The following KALRN variants were observed in gnomAD, a reference collection of about 807,000 sequenced individuals.
KALRN encodes kalirin RhoGEF kinase, also known as kalirin.
KALRN carries 70 observed loss-of-function variants against 353.7 expected under a neutral mutation model. The observed-to-expected ratio is 0.20, with a 90% CI of 0.16 to 0.24. The LOEUF (loss-of-function observed/expected upper bound fraction) is 0.24. KALRN is among the 10% of genes least tolerant of loss of function. KALRN has a pLI of 1.00. For synonymous variants in KALRN, 1,391 were observed against 1,434.8 expected (o/e 0.97, Z 0.69); for missense variants, 2,791 against 3,756.7 (o/e 0.74, Z 6.72).
intron 1 of KALRN, among the ~76,000 whole-genome samples, chr3:124,120,391 T>C (rs2063859263): frequency 2.0e-5 from 3 of 152,186 alleles, no homozygotes; most frequent in African/African-American, 7.2e-5. Context: ...AGATGAAATA[T>C]GACTTTATTC....
intron 10 of KALRN, among the ~76,000 whole-genome samples, chr3:124,348,046 A>G (rs1022800214): frequency 3.3e-5 from 5 of 152,156 alleles, no homozygotes; most frequent in Non-Finnish European, 7.4e-5. Context: ...TGCATTGGGG[A>G]GTTTTCCAAA....
intron 15 of KALRN, among the ~76,000 whole-genome samples, chr3:124,429,136 C>T (rs1012381075): frequency 1.3e-5 from 2 of 152,210 alleles, no homozygotes; most frequent in Admixed American, 6.5e-5. Flanking sequence ...AGGGATTTCA[C>T]GCAAACACTC....
chr3:124,298,757 T>C, intron 5 of KALRN, 34 bp from the exon 6 acceptor site: 1 of 1,613,628 alleles, frequency 6.2e-7, no homozygotes, highest in Non-Finnish European at 8.5e-7. Context: ...CCCATGACCA[T>C]TCTGATTATG....
intron 33 of KALRN, among the ~76,000 whole-genome samples, chr3:124,545,805 T>C (rs963833073): frequency 2.6e-5 from 4 of 152,216 alleles, no homozygotes; most frequent in African/African-American, 9.6e-5. Flanking sequence ...TTTGATGTCC[T>C]AGAGAGCCCA....
intron 1 of KALRN, among the ~76,000 whole-genome samples, chr3:124,099,702 C>G (rs1157950584): frequency 6.6e-6 from 1 of 152,194 alleles, no homozygotes; most frequent in African/African-American, 2.4e-5. Flanking sequence ...GTTCCCTTTT[C>G]TCCACATCCT....
chr3:124,039,891 T>C (rs1044501852), intron 1 of KALRN, among the ~76,000 whole-genome samples: 11 of 152,238 alleles, frequency 7.2e-5, no homozygotes, highest in Admixed American at 3.3e-4. Context: ...ACTGGGCTTT[T>C]GGTCACATCA....
chr3:124,237,366 C>CTTTT (rs551869197), intron 3 of KALRN, among the ~76,000 whole-genome samples: 1 of 135,630 alleles, frequency 7.4e-6, no homozygotes, highest in Middle Eastern at 3.4e-3. Flanking sequence ...TCATTTGATG[C>CTTTT]TTTTTTTTTT....
intron 38 of KALRN, 139 bp downstream of exon 38, chr3:124,651,077 G>A (rs1490231469): frequency 5.0e-6 from 5 of 1,009,392 alleles, no homozygotes; most frequent in Non-Finnish European, 7.1e-6. Flanking sequence ...GATCTGTACA[G>A]CATAGCACTG....
chr3:124,294,520 C>CTTTTCTTT (rs2076686767), intron 5 of KALRN, among the ~76,000 whole-genome samples: 1 of 73,894 alleles, frequency 1.4e-5, no homozygotes. Context: ...AGATTCTCTT[C>CTTTTCTTT]TTTTTTTTTT....
At chr3:124,598,723 C>CTGGA (rs903084871) in intron 34 of KALRN, among the ~76,000 whole-genome samples, 7 of 152,176 alleles carry the variant, frequency 4.6e-5, no homozygotes, top group Non-Finnish European at 8.8e-5. Context: ...GTCACCCAGG[C>CTGGA]TGGAGTGCAG....
chr3:124,120,198 G>T (rs530078676), intron 1 of KALRN, among the ~76,000 whole-genome samples: 7 of 152,312 alleles, frequency 4.6e-5, no homozygotes, highest in Admixed American at 6.5e-5. Flanking sequence ...GGCTGTAGCC[G>T]TTCCCCCGAC....
intron 7 of KALRN, among the ~76,000 whole-genome samples, chr3:124,326,446 TTGCATGTGCGTGTG>T (rs961853077): frequency 1.6e-4 from 24 of 152,320 alleles, no homozygotes; most frequent in African/African-American, 5.8e-4. Flanking sequence ...TTGGTAGTGG[TTGCATGTGCGTGTG>T]TGCATGTGTG....
chr3:124,725,433 G>C lies in KALRN; in HGVS notation c.*5963G>C, dbSNP rs1035189773. 1 of 152,174 alleles carries C rather than the reference G, an allele frequency of 6.6e-6. No individual in the cohort carries two copies. The allele number at this position is 152,174 out of a possible 1,614,324, so 9.4% of individuals were successfully genotyped here. On this transcript the variant is annotated 3_prime_UTR_variant, in exon 60 of 60. Transcript: ENST00000682506. ...GAGATCCTGTTCAGAGAACAGTAGT[G>C]ATCAAAGTGCAAACTGTTGGAAAAT...
In KALRN at chr3:124,264,700, A is replaced by G; in HGVS notation, c.456+10A>G. 6.2e-7 allele frequency: 1 copy of G among 1,611,912 alleles called. No homozygotes were observed. The highest frequency in any genetic ancestry group is 8.5e-7 in the Non-Finnish European group (1 of 1,178,042). On this transcript the variant is annotated intron_variant, in intron 4 of 59. Transcript: ENST00000682506. ...CAAATTCATCTTTGAGGTGAGCCAG[A>G]TTTCTCTCTCTTAGCATCTTCTTTC...
rs2064704919 is a variant in KALRN, at chr3:124,126,617, A to T, written c.73+92804A>T. 2.0e-5 allele frequency among the ~76,000 whole-genome samples: 3 copies of T among 152,212 alleles called. No homozygotes were observed. The South Asian group carries it at 6.2e-4, about 32-fold the overall frequency. ...TGGGGCACAAGGCCAGATTCTCCTA[A>T]GAGAATTTACACAGTCACAAGTTTG... On this transcript the variant is annotated intron_variant, in intron 1 of 59. Transcript: ENST00000682506.
chr3:124,621,637 C>T (rs1232914217), intron 34 of KALRN, among the ~76,000 whole-genome samples: 6 of 152,224 alleles, frequency 3.9e-5, no homozygotes, highest in African/African-American at 1.4e-4. Context: ...CCCCACTTCC[C>T]GGCCCCATTT....
At chr3:124,303,835 C>A (rs2077456827) in intron 6 of KALRN, among the ~76,000 whole-genome samples, 1 of 151,984 alleles carries the variant, frequency 6.6e-6, no homozygotes, top group Admixed American at 6.6e-5. Flanking sequence ...TGATGGTGTG[C>A]AAATCAGACC....
intron 4 of KALRN, among the ~76,000 whole-genome samples, chr3:124,265,492 C>T (rs1307055298): frequency 6.6e-6 from 1 of 151,356 alleles, no homozygotes; most frequent in Non-Finnish European, 1.5e-5. Context: ...AGGGTTTCAT[C>T]ATGTTGGCCT....
chr3:124,392,284 A>G (rs1298190675), intron 11 of KALRN, among the ~76,000 whole-genome samples: 2 of 152,172 alleles, frequency 1.3e-5, no homozygotes, highest in African/African-American at 4.8e-5. Flanking sequence ...AGCTAAAACT[A>G]TATTTTAAAT....
Sources: allele counts gnomAD v4.1 joint callset (sites outside exome capture counted in the v4.1 genomes callset), GRCh38; gene constraint gnomAD v4.1.1; transcripts MANE v1.5; gene names NCBI Gene and HGNC (gene_info 2026-07-23, HGNC 2026-07-21).